The following CSMD2 variants were observed in gnomAD, a reference collection of about 807,000 sequenced individuals.
CSMD2 encodes CUB and Sushi multiple domains 2, also known as CUB and sushi domain-containing protein 2.
Under a neutral mutation model 398.5 loss-of-function variants are expected in CSMD2, and 130 were observed. That is an observed-to-expected ratio of 0.33 (90% CI 0.28 to 0.38). The LOEUF (loss-of-function observed/expected upper bound fraction) is 0.38. Ranked by LOEUF, CSMD2 falls within the 10% of genes least tolerant of loss-of-function variation. The pLI is 1.00. For synonymous variants in CSMD2, 1,828 were observed against 1,908.5 expected, an observed-to-expected ratio of 0.96 and a Z score of 1.10; for missense variants, 3,829 against 4,764.9, an observed-to-expected ratio of 0.80 and a Z score of 5.78.
At chr1:33,539,552 A>C (rs1412671753) in intron 60 of CSMD2, among the ~76,000 whole-genome samples, 12 of 152,252 alleles carry the variant, frequency 7.9e-5, no homozygotes, top group African/African-American at 2.4e-5. Flanking sequence ...ACATATCACT[A>C]TCTATTCAAA....
At chr1:34,054,576 A>AAAT (rs1323722002) in intron 2 of CSMD2, among the ~76,000 whole-genome samples, 3 of 151,972 alleles carry the variant, frequency 2.0e-5, no homozygotes, top group African/African-American at 7.3e-5. Context: ...AAAAAATAAA[A>AAAT]AATAATAATA....
intron 4 of CSMD2, among the ~76,000 whole-genome samples, chr1:33,933,752 A>G (rs533208871): frequency 6.6e-6 from 1 of 152,312 alleles, no homozygotes; most frequent in Admixed American, 6.5e-5. Context: ...CATCATGGAA[A>G]GAGGCAGTTC....
intron 64 of CSMD2, among the ~76,000 whole-genome samples, chr1:33,530,536 G>T (rs1016884092): frequency 1.1e-4 from 16 of 152,218 alleles, no homozygotes; most frequent in Admixed American, 7.2e-4. Context: ...ACGTATGAAG[G>T]TTCCTCAAAA....
chr1:34,041,019 G>T (rs907223921), intron 2 of CSMD2, among the ~76,000 whole-genome samples: 1 of 152,106 alleles, frequency 6.6e-6, no homozygotes, highest in African/African-American at 2.4e-5. Flanking sequence ...CAGCTACTCA[G>T]GAGTCTGAGG....
intron 3 of CSMD2, among the ~76,000 whole-genome samples, chr1:34,031,819 GTAT>G (rs1219570763): frequency 6.7e-6 from 1 of 148,250 alleles, no homozygotes; most frequent in Non-Finnish European, 1.5e-5. Flanking sequence ...CTTTACTAGG[GTAT>G]TATGTCATTA....
rs201544865 is a variant in CSMD2, at chr1:33,567,652, A to G, written c.8321T>C (p.Met2774Thr). Residue 2774 changes from methionine (M) to threonine (T), a missense_variant, in exon 53 of 71, where the codon ATG becomes ACG. By Grantham distance (81) the Met-to-Thr change is moderately conservative. This residue lies in a region of CSMD2 where 917 missense variants were observed against 1,199.5 expected (regional missense o/e 0.76). Coordinates refer to ENST00000373381, the MANE Select transcript of CSMD2 (RefSeq NM_001281956.2). ...ATCCTGCTGGCAGATGCGCACAGAC[A>G]TGCCGATCAGGCGGAAGCCAGCATT... ...QCNAGFRLIG[M>T]SVRICQQDHH... The G allele has an allele frequency of 6.8e-5, 110 of 1,614,160 alleles. No homozygotes were observed. Among genetic ancestry groups the G allele is most frequent in the Middle Eastern group, 1.6e-4 (1 of 6,062 alleles).
At chr1:33,575,858 GT>G (rs1046021837) in intron 49 of CSMD2, among the ~76,000 whole-genome samples, 38 of 152,320 alleles carry the variant, frequency 2.5e-4, no homozygotes, top group Admixed American at 9.8e-4. Flanking sequence ...AGGCGAGAAG[GT>G]TGTGAGGATT....
chr1:33,652,733 A>C (rs997020497), intron 27 of CSMD2, among the ~76,000 whole-genome samples: 3 of 152,124 alleles, frequency 2.0e-5, no homozygotes, highest in Non-Finnish European at 4.4e-5. Flanking sequence ...TGTTAGGTGC[A>C]TTTCACCTCA....
At chr1:33,741,706 T>C (rs1047240142) in intron 14 of CSMD2, among the ~76,000 whole-genome samples, 2 of 152,126 alleles carry the variant, frequency 1.3e-5, no homozygotes, top group African/African-American at 2.4e-5. Context: ...TAGAGAAACC[T>C]TGGAAAGAAA....
Position 33,533,574 on chromosome 1 carries a change from GT to G in CSMD2, c.9991+221del, listed in dbSNP as rs35879676. 0.37 allele frequency among the ~76,000 whole-genome samples: 56,630 copies of G among 152,044 alleles called. 10,769 individuals are homozygous for G. The highest frequency in any genetic ancestry group is 0.44 in the Middle Eastern group (129 of 294). On this transcript the variant is annotated intron_variant, in intron 63 of 70. Coordinates refer to ENST00000373381, the MANE Select transcript of CSMD2 (RefSeq NM_001281956.2). The surrounding 1 kb of genome is among the most constrained non-coding windows in gnomAD (Gnocchi z 4.2). ...TAGTTTTTGCTGCTGCCACTGGATA[GT>G]TTTTTCTTTGCTAAGGCATAGGGAT...
intron 5 of CSMD2, among the ~76,000 whole-genome samples, chr1:33,888,788 G>GTTGTT (rs1228902880): frequency 3.7e-5 from 2 of 53,688 alleles, no homozygotes; most frequent in Non-Finnish European, 6.7e-5. Flanking sequence ...TTGTTGTTGA[G>GTTGTT]ATGGAGTCTC....
chr1:33,658,748 T>C (rs1644031465), intron 26 of CSMD2, among the ~76,000 whole-genome samples: 1 of 152,164 alleles, frequency 6.6e-6, no homozygotes, highest in African/African-American at 2.4e-5. Context: ...CCTGTTATTC[T>C]AGCTACTCTG....
chr1:33,691,106 AAGGCCCTGAGCT>A (rs376568215), intron 25 of CSMD2, among the ~76,000 whole-genome samples: 351 of 152,272 alleles, frequency 2.3e-3, no homozygotes, highest in African/African-American at 7.1e-3. Context: ...AGTAGAAACA[AAGGCCCTGAGCT>A]AGGCCCTGAG....
intron 12 of CSMD2, among the ~76,000 whole-genome samples, chr1:33,782,659 T>C (rs1652934647): frequency 6.6e-6 from 1 of 152,180 alleles, no homozygotes; most frequent in Admixed American, 6.5e-5. Context: ...GGAGGGTACC[T>C]GATTATGACT....
intron 4 of CSMD2, among the ~76,000 whole-genome samples, chr1:33,922,987 G>A (rs796281268): frequency 6.6e-5 from 10 of 152,202 alleles, no homozygotes; most frequent in African/African-American, 2.4e-4. Context: ...TTTGATATAT[G>A]TATGTATTGT....
chr1:33,722,681 CG>C (rs1646396170), intron 19 of CSMD2, among the ~76,000 whole-genome samples: 2 of 129,632 alleles, frequency 1.5e-5, no homozygotes, highest in Non-Finnish European at 3.2e-5. Context: ...TCACATGTTG[CG>C]ATTTTTTTTT....
At position 34,062,872 on chromosome 1, in the gene CSMD2, G is replaced by C. The variant is rs547118684; in HGVS notation, c.404+26105C>G. ...TGTATTAGTCCGTTTTCACACTGCT[G>C]ATAAAGACATACCCGAGACTGGGAA... is the stretch of plus-strand genomic sequence containing the variant. On this transcript the variant is annotated intron_variant, in intron 2 of 70. Transcript: ENST00000373381. Among the ~76,000 whole-genome samples the C allele has an allele frequency of 3.9e-5, 6 of 152,282 alleles. No homozygotes were observed. The East Asian group carries it at 1.2e-3, about 29-fold the overall frequency.
At chr1:33,731,450 ATGG>A (rs1393471073) in intron 15 of CSMD2, among the ~76,000 whole-genome samples, 1 of 152,244 alleles carries the variant, frequency 6.6e-6, no homozygotes, top group Non-Finnish European at 1.5e-5. Context: ...CGCTAAAAAA[ATGG>A]AAGTTCAATC....
intron 29 of CSMD2, among the ~76,000 whole-genome samples, chr1:33,641,066 G>C (rs1643082033): frequency 6.6e-6 from 1 of 152,180 alleles, no homozygotes; most frequent in Admixed American, 6.5e-5. Context: ...CTGGCACAGA[G>C]GGCTTCTACT....
Sources: gnomAD v4.1 joint callset for allele counts (sites outside exome capture counted in the v4.1 genomes callset) on GRCh38, gnomAD v4.1.1 for gene constraint, gnomAD v4.1.1 regional missense constraint, Gnocchi (gnomAD v3.1) non-coding constraint, MANE v1.5 for transcripts, NCBI Gene and HGNC (gene_info 2026-07-23, HGNC 2026-07-21) for gene names.